BANP: variants seen among roughly 807,000 people sequenced by gnomAD.
The protein encoded by BANP is protein BANP.
Under a neutral mutation model 68.1 loss-of-function variants are expected in BANP, and 11 were observed. The observed-to-expected ratio is 0.16, with a 90% CI of 0.10 to 0.27. BANP has a LOEUF of 0.27. BANP is among the 10% of genes least tolerant of loss of function. BANP has a pLI of 1.00. For missense variants in BANP, 504 were observed against 722.7 expected (o/e 0.70, Z 3.47); for synonymous variants, 329 against 303.2 (o/e 1.09, Z -0.88).
At chr16:88,005,630 G>A (rs2070788824) in intron 5 of BANP, among the ~76,000 whole-genome samples, 1 of 152,214 alleles carries the variant, frequency 6.6e-6, no homozygotes, top group South Asian at 2.1e-4. Context: ...TTTGCCCGTG[G>A]GCGTACGTGG....
At chr16:88,052,574 C>A (rs1477680504) in intron 11 of BANP, among the ~76,000 whole-genome samples, 4 of 151,962 alleles carry the variant, frequency 2.6e-5, no homozygotes, top group African/African-American at 9.7e-5. Context: ...CCACCTACTA[C>A]CACTGCCAAC....
chr16:88,067,757 C>T (rs2089123716), intron 12 of BANP, among the ~76,000 whole-genome samples: 1 of 152,158 alleles, frequency 6.6e-6, no homozygotes, highest in Admixed American at 6.5e-5. Context: ...CACCCTTTCA[C>T]TGACCTCGCC....
chr16:88,076,181 G>A (rs572968940), intron 13 of BANP, among the ~76,000 whole-genome samples: 1 of 152,366 alleles, frequency 6.6e-6, no homozygotes, highest in South Asian at 2.1e-4. Context: ...GAAACATTGG[G>A]ACAGTGTTTA....
intron 8 of BANP, among the ~76,000 whole-genome samples, chr16:88,029,436 C>T (rs149447680): frequency 0.013 from 1,946 of 151,656 alleles, 21 homozygotes; most frequent in Middle Eastern, 0.034. Flanking sequence ...GGTGAAACCC[C>T]GTCTCTACTA....
intron 11 of BANP, among the ~76,000 whole-genome samples, chr16:88,053,063 T>C (rs984295633): frequency 1.7e-5 from 2 of 118,074 alleles, no homozygotes; most frequent in Non-Finnish European, 4.2e-5. Flanking sequence ...ACCCCTGTCA[T>C]CTCCATCATT....
chr16:87,950,720 T>A (rs1305787538), upstream of BANP: 1 of 152,212 alleles, frequency 6.6e-6, no homozygotes, highest in African/African-American at 2.4e-5. Flanking sequence ...ACAGGCGTGA[T>A]CCACCGTGCC....
At chr16:87,984,390 G>A in intron 4 of BANP, 131 bp downstream of exon 4, 1 of 1,080,676 alleles carries the variant, frequency 9.3e-7, no homozygotes, top group Non-Finnish European at 1.3e-6. Flanking sequence ...AGTCTCAGCA[G>A]TTTCTAACTA....
intron 7 of BANP, among the ~76,000 whole-genome samples, chr16:88,025,386 G>C (rs931658148): frequency 2.2e-4 from 33 of 152,200 alleles, no homozygotes; most frequent in African/African-American, 7.2e-4. Context: ...GCTTCCTGAG[G>C]CGCCCGAGTC....
At chr16:88,010,099 C>T (rs908886221) in intron 6 of BANP, among the ~76,000 whole-genome samples, 1 of 152,206 alleles carries the variant, frequency 6.6e-6, no homozygotes, top group African/African-American at 2.4e-5. Flanking sequence ...TAGTTTTGGT[C>T]TTGGTGTGCT....
In BANP at chr16:88,020,658, G is replaced by A. The variant is rs147034809; in HGVS notation, c.895+1991G>A. 7.0e-4 allele frequency among the ~76,000 whole-genome samples: 107 copies of A among 152,328 alleles called. 1 individual carries two copies. Among genetic ancestry groups the A allele is most frequent in the African/African-American group, 2.4e-3 (99 of 41,564 alleles). On this transcript the variant is annotated intron_variant, in intron 7 of 13. Coordinates refer to ENST00000682872, the MANE Select transcript of BANP (RefSeq NM_001386991.1). The stretch of plus-strand genomic sequence containing the variant: ...GAGGATGGTGGTGTGTGGGATGAGC[G>A]TGCTGTGCTGTGTGGGGCAGTGGCA...
At chr16:88,051,462 C>A (rs1386337463) in intron 11 of BANP, among the ~76,000 whole-genome samples, 1 of 152,224 alleles carries the variant, frequency 6.6e-6, no homozygotes, top group Non-Finnish European at 1.5e-5. Flanking sequence ...ATGCCTCCTT[C>A]GGGCTCAGCC....
rs1267559421 is a variant in BANP at position 88,057,832 on chromosome 16, G to A, written c.1312-7435G>A. On this transcript the variant is annotated intron_variant, in intron 11 of 13. Coordinates refer to ENST00000682872, the MANE Select transcript of BANP (RefSeq NM_001386991.1). This position sits in a 1 kb window ranked among gnomAD's most constrained non-coding sequence, Gnocchi z 4.6. The stretch of plus-strand genomic sequence containing the variant: ...ACTCCAGGGCAAGTGGTGCTGGCCG[G>A]ATGCCCACAGTGAGGAGGTGCGGGG... 1.3e-5 allele frequency among the ~76,000 whole-genome samples: 2 copies of A among 151,996 alleles called. No individual in the cohort carries two copies. Among genetic ancestry groups the A allele is most frequent in the East Asian group, 3.9e-4 (2 of 5,166 alleles).
Position 88,044,302 on chromosome 16 carries a change from C to G in BANP, c.1311+6291C>G, listed in dbSNP as rs567919499. On this transcript the variant is annotated intron_variant, in intron 11 of 13. Transcript: ENST00000682872. ...CTCCTCTCTCACTCATGCATGTGCACACACACAGTCGGAACAGGTCCACAG... is the reference window on the plus strand; with the variant it reads ...CTCCTCTCTCACTCATGCATGTGCAGACACACAGTCGGAACAGGTCCACAG... Among the ~76,000 whole-genome samples, 8 of 152,274 alleles carry G rather than the reference C, an allele frequency of 5.3e-5. No individual in the cohort carries two copies. The South Asian group carries it at 1.2e-3, about 24-fold the overall frequency.
intron 7 of BANP, among the ~76,000 whole-genome samples, chr16:88,024,279 G>A (rs950636690): frequency 6.6e-5 from 10 of 152,126 alleles, no homozygotes; most frequent in East Asian, 3.9e-4. Context: ...CTTTAAGGCC[G>A]GTGCTCACTC....
intron 1 of BANP, among the ~76,000 whole-genome samples, chr16:87,968,225 T>C (rs1597865078): frequency 6.6e-6 from 1 of 151,922 alleles, no homozygotes; most frequent in Admixed American, 6.6e-5. Context: ...GGCTCACCCC[T>C]ATAATCCCAG....
chr16:87,983,088 G>A (rs114285203), intron 3 of BANP, among the ~76,000 whole-genome samples: 36,163 of 151,410 alleles, frequency 0.24, 4,859 homozygotes, highest in East Asian at 0.48. Context: ...CCTTCCTTCT[G>A]ATGTGCACAC....
At chr16:87,976,662 G>C (rs1389423891) in intron 2 of BANP, among the ~76,000 whole-genome samples, 2 of 152,042 alleles carry the variant, frequency 1.3e-5, no homozygotes, top group African/African-American at 4.8e-5. Flanking sequence ...TCCTAAGAAA[G>C]TCTGATGTCC....
At chr16:88,012,368 C>T (rs1025153579) in intron 6 of BANP, among the ~76,000 whole-genome samples, 39 of 152,164 alleles carry the variant, frequency 2.6e-4, no homozygotes, top group African/African-American at 9.4e-4. Flanking sequence ...TAATTTTTGG[C>T]GTGGATGGCA....
intron 1 of BANP, among the ~76,000 whole-genome samples, chr16:87,967,128 G>A (rs973238823): frequency 6.6e-6 from 1 of 152,224 alleles, no homozygotes; most frequent in Non-Finnish European, 1.5e-5. Context: ...CACAGCTGTC[G>A]TGGGCTCTTC....
Sources: gnomAD v4.1 joint callset for allele counts (sites outside exome capture counted in the v4.1 genomes callset) on GRCh38, gnomAD v4.1.1 for gene constraint, Gnocchi (gnomAD v3.1) non-coding constraint, MANE v1.5 for transcripts, NCBI Gene and HGNC (gene_info 2026-07-23, HGNC 2026-07-21) for gene names.